The following COG2 variants were observed in gnomAD, a reference collection of about 807,000 sequenced individuals.
COG2 encodes the protein component of oligomeric golgi complex 2.
Under a neutral mutation model 90.6 loss-of-function variants are expected in COG2, and 52 were observed. The ratio of observed to expected loss-of-function variants is 0.57; its 90% CI spans 0.46 to 0.72. The LOEUF (loss-of-function observed/expected upper bound fraction) is 0.72. Among genes scored for constraint, COG2 ranks in the 30% least tolerant of loss-of-function variants. The pLI is 0.00. For synonymous variants in COG2, 337 were observed against 320.4 expected, an observed-to-expected ratio of 1.05 and a Z score of -0.55; for missense variants, 829 against 891.2, an observed-to-expected ratio of 0.93 and a Z score of 0.89.
rs1207973651 is a variant in COG2, at chr1:230,688,454, C to G, written c.1686C>G (p.Ala562=). 2 of 1,613,974 alleles carry G rather than the reference C, an allele frequency of 1.2e-6. No homozygotes were observed. Among genetic ancestry groups the G allele is most frequent in the Non-Finnish European group, 1.7e-6 (2 of 1,180,024 alleles). ...ALEDSQSSFS[A]CVPSLSSKII... is the part of the protein sequence containing the mutation. ...AGGACTCCCAGAGCTCTTTTTCAGC[C>G]TGTGTGCCCTCCTTGAGTAGCAAGA... Residue 562 remains alanine, a synonymous_variant, in exon 15 of 18, where the codon GCC becomes GCG. Coordinates refer to ENST00000366669, the MANE Select transcript of COG2 (RefSeq NM_007357.3).
chr1:230,681,461 G>A (rs1662746790), intron 10 of COG2: 2 of 152,070 alleles, frequency 1.3e-5, no homozygotes, highest in African/African-American at 2.4e-5. Context: ...CAAGAGACGG[G>A]TGCACTTAAT....
chr1:230,664,984 AT>A (rs1242752654), intron 5 of COG2, among the ~76,000 whole-genome samples: 1 of 152,250 alleles, frequency 6.6e-6, no homozygotes, highest in Non-Finnish European at 1.5e-5. Context: ...CACGAGTGTT[AT>A]TAAGAAATAG....
chr1:230,684,786 G>A (rs1214433129), intron 11 of COG2, among the ~76,000 whole-genome samples: 1 of 152,160 alleles, frequency 6.6e-6, no homozygotes, highest in Non-Finnish European at 1.5e-5. Context: ...CATGTTTGTC[G>A]ATTTGGTATG....
chr1:230,677,356 A>G (rs963305798), intron 9 of COG2, among the ~76,000 whole-genome samples: 1 of 152,238 alleles, frequency 6.6e-6, no homozygotes, highest in African/African-American at 2.4e-5. Flanking sequence ...GAGGCACAAG[A>G]TAAGCATAAA....
At chr1:230,668,506 G>A (rs1662370535) in intron 5 of COG2, among the ~76,000 whole-genome samples, 170 bp from the exon 6 acceptor site, 1 of 152,176 alleles carries the variant, frequency 6.6e-6, no homozygotes, top group African/African-American at 2.4e-5. Context: ...TTGACTGATG[G>A]CACAAAAGAC....
intron 1 of COG2, among the ~76,000 whole-genome samples, chr1:230,657,389 T>C (rs1662084350): frequency 6.6e-6 from 1 of 152,210 alleles, no homozygotes; most frequent in African/African-American, 2.4e-5. Flanking sequence ...TATTTAATAT[T>C]GGCCCCCAGT....
At chr1:230,676,153 T>C (rs369807786) in intron 9 of COG2, among the ~76,000 whole-genome samples, 114 of 152,326 alleles carry the variant, frequency 7.5e-4, no homozygotes, top group African/African-American at 2.7e-3. Flanking sequence ...TGTCTTTTAA[T>C]TAGGTACTTT....
chr1:230,655,545 T>A (rs758580177), intron 1 of COG2, among the ~76,000 whole-genome samples: 5 of 152,234 alleles, frequency 3.3e-5, no homozygotes, highest in Non-Finnish European at 7.3e-5. Context: ...TCAGAAATAT[T>A]GGCCTGAAAT....
chr1:230,678,495 A>G (rs1297685610), intron 9 of COG2: 1 of 985,242 alleles, frequency 1.0e-6, no homozygotes, highest in African/African-American at 1.7e-5. Context: ...GAATACTCAC[A>G]TGGTTTGATT....
At chr1:230,675,216 G>A in intron 9 of COG2, 92 bp downstream of exon 9, 2 of 1,400,438 alleles carry the variant, frequency 1.4e-6, no homozygotes, top group Non-Finnish European at 1.9e-6. Context: ...TGGTTCTGTG[G>A]TTTATTAAAA....
intron 1 of COG2, among the ~76,000 whole-genome samples, chr1:230,655,298 T>A (rs759117465): frequency 3.9e-5 from 6 of 152,232 alleles, no homozygotes; most frequent in Non-Finnish European, 8.8e-5. Context: ...TTGAGAGTTT[T>A]TAGCATGAAG....
At chr1:230,655,038 GCAAA>G (rs571811107) in intron 1 of COG2, among the ~76,000 whole-genome samples, 15 of 152,180 alleles carry the variant, frequency 9.9e-5, no homozygotes, top group Non-Finnish European at 1.9e-4. Context: ...CATGTCATCT[GCAAA>G]CAGAGACAAT....
chr1:230,664,490 G>A lies in COG2; in HGVS notation c.388G>A (p.Val130Ile). The change falls in exon 5 of 18, where the codon GTA (valine) becomes ATA (isoleucine). Residue 130 changes from valine (V) to isoleucine (I), a missense_variant. Val to Ile is a conservative substitution (Grantham distance 29, BLOSUM62 3). Coordinates refer to ENST00000366669, the MANE Select transcript of COG2 (RefSeq NM_007357.3). ...QEDIRKKKMC[V>I]LRLIQVIRSV... ...CCTTAATTTTTATTTATAGATGTGT[G>A]TATTGAGGCTTATACAAGTTATTCG... 1 of 1,424,048 alleles carries A rather than the reference G, an allele frequency of 7.0e-7. No homozygotes were observed. Among genetic ancestry groups the A allele is most frequent in the Non-Finnish European group, 9.7e-7 (1 of 1,034,270 alleles). 88.2% of individuals were successfully genotyped at this position (1,424,048 alleles called of 1,614,324 possible).
At chr1:230,648,401 A>C (rs1328746417) in intron 1 of COG2, among the ~76,000 whole-genome samples, 1 of 152,236 alleles carries the variant, frequency 6.6e-6, no homozygotes, top group Admixed American at 6.5e-5. Context: ...AAAAGCTTGA[A>C]TTCTCTTTAG....
intron 1 of COG2, among the ~76,000 whole-genome samples, chr1:230,650,378 T>A (rs1041961213): frequency 9.9e-5 from 15 of 152,234 alleles, no homozygotes; most frequent in African/African-American, 3.6e-4. Context: ...GTTTTTTGAC[T>A]TTTTAATAAA....
intron 1 of COG2, among the ~76,000 whole-genome samples, chr1:230,644,589 CTCTCTTCTGGTATTACG>C (rs1373985736): frequency 6.6e-6 from 1 of 152,162 alleles, no homozygotes; most frequent in Non-Finnish European, 1.5e-5. Context: ...CTGTTATTAC[CTCTCTTCTGGTATTACG>C]TCTCTTCTGG....
intron 1 of COG2, among the ~76,000 whole-genome samples, chr1:230,657,472 G>C (rs987695047): frequency 1.3e-5 from 2 of 152,146 alleles, no homozygotes; most frequent in East Asian, 3.9e-4. Flanking sequence ...TGGGTAACCT[G>C]ACCTTTCTCT....
chr1:230,674,936 G>C, intron 8 of COG2, 62 bp from the exon 9 acceptor site: 1 of 1,360,768 alleles, frequency 7.3e-7, no homozygotes, highest in Non-Finnish European at 1.0e-6. Flanking sequence ...CAACACAGTG[G>C]AAATTTGCTC....
At chr1:230,657,728 C>T (rs749729535) in intron 1 of COG2, among the ~76,000 whole-genome samples, 5 of 152,168 alleles carry the variant, frequency 3.3e-5, no homozygotes, top group Non-Finnish European at 5.9e-5. Context: ...TTGGTCTTTT[C>T]ATCTAGTCCC....
Sources: gnomAD v4.1 joint callset for allele counts (sites outside exome capture counted in the v4.1 genomes callset) on GRCh38, gnomAD v4.1.1 for gene constraint, MANE v1.5 for transcripts, NCBI Gene and HGNC (gene_info 2026-07-23, HGNC 2026-07-21) for gene names.